Variants in CACNA2D3 observed in about 807,000 individuals in gnomAD.
CACNA2D3 encodes the protein voltage-dependent calcium channel subunit alpha-2/delta-3.
In CACNA2D3, 60 loss-of-function variants were observed where a neutral mutation model predicts 160.6. That is an observed-to-expected ratio of 0.37 (90% CI 0.30 to 0.46). The LOEUF (loss-of-function observed/expected upper bound fraction) is 0.46, where lower values mean the gene tolerates loss of function less well. CACNA2D3 is among the 20% of genes least tolerant of loss of function. The pLI is 1.00. For missense variants in CACNA2D3, 1,205 were observed against 1,365.0 expected (o/e 0.88, Z 1.85); for synonymous variants, 558 against 492.9 (o/e 1.13, Z -1.75).
At chr3:54,673,606 C>T (rs909782422) in intron 11 of CACNA2D3, among the ~76,000 whole-genome samples, 1 of 152,104 alleles carries the variant, frequency 6.6e-6, no homozygotes, top group Admixed American at 6.5e-5. Context: ...CACATGTTAT[C>T]AAAAATGAAA....
chr3:55,060,399 A>AGAG (rs1004905977), intron 35 of CACNA2D3, among the ~76,000 whole-genome samples: 6 of 152,158 alleles, frequency 3.9e-5, no homozygotes, highest in African/African-American at 1.2e-4. Context: ...TTAGTTATAT[A>AGAG]GAGTGTAAAG....
Position 54,480,670 on chromosome 3 carries a change from C to T in CACNA2D3, c.382-22822C>T, listed in dbSNP as rs191827670. On this transcript the variant is annotated intron_variant, in intron 4 of 37. Coordinates refer to ENST00000474759, the MANE Select transcript of CACNA2D3 (RefSeq NM_018398.3). ...CTGGCCAACTTGGGCTGCCTTCCTC[C>T]TTCTAGAGATATTTCTATTTTATCT... 9.8e-4 allele frequency among the ~76,000 whole-genome samples: 149 copies of T among 152,202 alleles called. 1 individual carries two copies. Among genetic ancestry groups the T allele is most frequent in the Non-Finnish European group, 3.8e-4 (26 of 67,992 alleles).
At position 54,882,243 on chromosome 3, in the gene CACNA2D3, C is replaced by T. The variant is rs149056868; in HGVS notation, c.1912+1380C>T. Among the ~76,000 whole-genome samples the T allele has an allele frequency of 1.2e-4, 19 of 152,314 alleles. No homozygotes were observed. In the East Asian group the frequency reaches 3.7e-3, roughly 29 times the overall value. On this transcript the variant is annotated intron_variant, in intron 21 of 37. Coordinates refer to ENST00000474759, the MANE Select transcript of CACNA2D3 (RefSeq NM_018398.3). ...GAAGCCAGAAAATTCATGTCTAAGC[C>T]ATGTGAGGTCACGCTGAAGAAACAA...
chr3:54,605,906 T>C (rs1199894565), intron 9 of CACNA2D3, among the ~76,000 whole-genome samples: 1 of 152,230 alleles, frequency 6.6e-6, no homozygotes, highest in Non-Finnish European at 1.5e-5. Flanking sequence ...TCCAGCTCAT[T>C]TGAGTGACTT....
intron 24 of CACNA2D3, among the ~76,000 whole-genome samples, chr3:54,889,486 G>A (rs1439950965): frequency 1.3e-5 from 2 of 152,126 alleles, no homozygotes; most frequent in Non-Finnish European, 2.9e-5. Flanking sequence ...GTTGTGGAGG[G>A]TAGGGAGGTT....
At chr3:54,683,960 ACCTTTTTTT>A (rs1700401690) in intron 11 of CACNA2D3, among the ~76,000 whole-genome samples, 1 of 92,864 alleles carries the variant, frequency 1.1e-5, no homozygotes, top group Middle Eastern at 7.7e-3. Flanking sequence ...CCAAATTTCC[ACCTTTTTTT>A]TTTTTTTTTT....
intron 31 of CACNA2D3, among the ~76,000 whole-genome samples, chr3:54,991,760 G>A (rs945194866): frequency 4.6e-5 from 7 of 152,224 alleles, no homozygotes; most frequent in South Asian, 2.1e-4. Context: ...GGACGGTGTC[G>A]TCAGCCTCTC....
chr3:54,217,950 G>A (rs1022690646), intron 2 of CACNA2D3, among the ~76,000 whole-genome samples: 1 of 151,964 alleles, frequency 6.6e-6, no homozygotes, highest in Non-Finnish European at 1.5e-5. Flanking sequence ...AGAGAGAGAG[G>A]TGTGTTGAGG....
At chr3:54,921,668 C>A (rs1472391020) in intron 27 of CACNA2D3, among the ~76,000 whole-genome samples, 1 of 152,068 alleles carries the variant, frequency 6.6e-6, no homozygotes, top group Non-Finnish European at 1.5e-5. Context: ...TGTAATCCGC[C>A]ATGCATTTTG....
chr3:54,879,011 A>G lies in CACNA2D3; in HGVS notation c.1711-7A>G, dbSNP rs1699729342. ...AGAACTAACACACTTTTCTTTTATCATTTTAGTTGAGAAATGCTATGGTGA... is the reference window on the plus strand; with the variant it reads ...AGAACTAACACACTTTTCTTTTATCGTTTTAGTTGAGAAATGCTATGGTGA... On this transcript the variant is annotated splice_polypyrimidine_tract_variant and splice_region_variant and intron_variant, in intron 18 of 37. Coordinates refer to ENST00000474759, the MANE Select transcript of CACNA2D3 (RefSeq NM_018398.3). 5.1e-6 allele frequency: 8 copies of G among 1,581,188 alleles called. No homozygotes were observed. Among genetic ancestry groups the G allele is most frequent in the Non-Finnish European group, 6.9e-6 (8 of 1,162,520 alleles).
intron 2 of CACNA2D3, among the ~76,000 whole-genome samples, chr3:54,236,594 A>T (rs1481125702): frequency 6.6e-6 from 1 of 152,170 alleles, no homozygotes; most frequent in Non-Finnish European, 1.5e-5. Context: ...GGGTTAGAAA[A>T]TCTTAGCTCA....
At chr3:54,319,006 G>A (rs904745460) in intron 2 of CACNA2D3, among the ~76,000 whole-genome samples, 23 of 152,120 alleles carry the variant, frequency 1.5e-4, no homozygotes, top group Non-Finnish European at 3.1e-4. Context: ...TTTAGTTTAA[G>A]GATCTGAAGA....
chr3:54,175,613 C>CAA (rs1163953295), intron 2 of CACNA2D3, among the ~76,000 whole-genome samples: 82 of 90,254 alleles, frequency 9.1e-4, no homozygotes, highest in African/African-American at 1.7e-3. Flanking sequence ...GACTCTGTCT[C>CAA]AAAAAAAAAA....
intron 11 of CACNA2D3, among the ~76,000 whole-genome samples, chr3:54,731,827 A>G (rs1375063936): frequency 3.3e-5 from 5 of 152,068 alleles, no homozygotes; most frequent in Non-Finnish European, 5.9e-5. Flanking sequence ...CTGTGGAGAC[A>G]GGTATTTAGA....
intron 2 of CACNA2D3, among the ~76,000 whole-genome samples, chr3:54,139,964 C>T (rs1174381496): frequency 6.6e-6 from 1 of 152,138 alleles, no homozygotes; most frequent in Non-Finnish European, 1.5e-5. Flanking sequence ...CGGAAGCTGG[C>T]CGTGGGTTCG....
At chr3:55,073,694 G>C in intron 36 of CACNA2D3, 83 bp from the exon 37 acceptor site, 1 of 1,295,132 alleles carries the variant, frequency 7.7e-7, no homozygotes, top group South Asian at 1.2e-5. Flanking sequence ...GTAGTTAAGA[G>C]AGTTGTCATT....
At chr3:54,512,116 G>A (rs561095606) in intron 5 of CACNA2D3, among the ~76,000 whole-genome samples, 1 of 152,312 alleles carries the variant, frequency 6.6e-6, no homozygotes, top group African/African-American at 2.4e-5. Context: ...CAGGATTTAA[G>A]AAGCACGGTA....
intron 3 of CACNA2D3, among the ~76,000 whole-genome samples, chr3:54,344,894 C>T (rs1048268550): frequency 4.6e-5 from 7 of 152,164 alleles, no homozygotes; most frequent in Non-Finnish European, 1.0e-4. Context: ...CTGATAAAAA[C>T]AGGTTACAGT....
At chr3:54,689,697 T>C (rs886150955) in intron 11 of CACNA2D3, among the ~76,000 whole-genome samples, 16 of 151,988 alleles carry the variant, frequency 1.1e-4, no homozygotes, top group Admixed American at 5.2e-4. Flanking sequence ...TCCTCGTGGC[T>C]CTACCTCCAG....
Sources: gnomAD v4.1 joint callset for allele counts (sites outside exome capture counted in the v4.1 genomes callset) on GRCh38, gnomAD v4.1.1 for gene constraint, MANE v1.5 for transcripts, NCBI Gene and HGNC (gene_info 2026-07-23, HGNC 2026-07-21) for gene names.